STK17A: variants seen among roughly 807,000 people sequenced by gnomAD.
STK17A encodes serine/threonine-protein kinase 17A.
STK17A carries 26 observed loss-of-function variants against 43.7 expected under a neutral mutation model. The ratio of observed to expected loss-of-function variants is 0.60; its 90% confidence interval spans 0.44 to 0.83. STK17A has a LOEUF of 0.83. Among genes scored for constraint, STK17A ranks in the 40% least tolerant of loss-of-function variants. The probability of loss-of-function intolerance (pLI) is 0.00; values close to 1 mark genes in which losing one functional copy is unlikely to be tolerated. For missense variants in STK17A, 476 were observed against 511.6 expected (o/e 0.93, Z 0.67); for synonymous variants, 191 against 182.5 (o/e 1.05, Z -0.38).
At chr7:43,585,342 C>G (rs962199206) in intron 1 of STK17A, among the ~76,000 whole-genome samples, 3 of 142,726 alleles carry the variant, frequency 2.1e-5, no homozygotes, top group African/African-American at 7.4e-5. Context: ...AACTGATTTG[C>G]ACCCCACCAG....
intron 3 of STK17A, chr7:43,609,535 G>C (rs1030761593): frequency 6.6e-6 from 1 of 152,198 alleles, no homozygotes; most frequent in Non-Finnish European, 1.5e-5. Context: ...GACAATAAAG[G>C]TCCACTATGA....
In STK17A at chr7:43,624,698, C is replaced by T. The variant is rs140929501; in HGVS notation, c.1101C>T (p.Thr367=). 5.0e-6 allele frequency: 8 copies of T among 1,613,976 alleles called. No individual in the cohort carries two copies. Among genetic ancestry groups the T allele is most frequent in the Non-Finnish European group, 5.9e-6 (7 of 1,179,966 alleles). The change falls in exon 7 of 7, where the codon ACC becomes ACT. Residue 367 remains threonine, a synonymous_variant. Coordinates refer to ENST00000319357, the MANE Select transcript of STK17A (RefSeq NM_004760.3). ...CAGAAACCAAGGAATCCATTGTAAC[C>T]GAAGAGTTAATTGTAGTTACTTCAT... ...DKSETKESIV[T]EELIVVTSYT...
intron 3 of STK17A, among the ~76,000 whole-genome samples, chr7:43,611,853 C>T (rs1404789716): frequency 1.3e-5 from 2 of 152,152 alleles, no homozygotes; most frequent in Non-Finnish European, 2.9e-5. Context: ...AATAGCATTG[C>T]ACCTATAGGA....
chr7:43,586,955 T>A (rs1372265356), intron 1 of STK17A, among the ~76,000 whole-genome samples: 1 of 151,248 alleles, frequency 6.6e-6, no homozygotes, highest in Non-Finnish European at 1.5e-5. Context: ...CAAGCCTGTT[T>A]GGAAAGCCCC....
intron 1 of STK17A, among the ~76,000 whole-genome samples, chr7:43,585,872 A>G (rs2082435440): frequency 6.6e-6 from 1 of 151,658 alleles, no homozygotes; most frequent in Non-Finnish European, 1.5e-5. Context: ...GAAAACCTGC[A>G]CAATCTCAAA....
At position 43,624,511 on chromosome 7, in the gene STK17A, T is replaced by G; in HGVS notation, c.921-7T>G. On this transcript the variant is annotated splice_region_variant and splice_polypyrimidine_tract_variant and intron_variant, in intron 6 of 6. Coordinates refer to ENST00000319357, the MANE Select transcript of STK17A (RefSeq NM_004760.3). ...ATGTCTTAACTGTAAAACATGTATC[T>G]TTACAGAGATCGAGCCACTGCTGAA... 1 of 1,606,322 alleles carries G rather than the reference T, an allele frequency of 6.2e-7. No homozygotes were observed. The highest frequency in any genetic ancestry group is 1.3e-5 in the African/African-American group (1 of 74,570).
In STK17A at chr7:43,583,135, C is replaced by A; in HGVS notation, c.-109C>A. On this transcript the variant is annotated 5_prime_UTR_variant, in exon 1 of 7. Coordinates refer to ENST00000319357, the MANE Select transcript of STK17A (RefSeq NM_004760.3). Reference sequence around the variant, plus strand: ...AGTCCGAGCGCCGCGCTGGGGAGAGCGGGTGTTTGAAGGCTCCGCGGACCG... The same window carrying A: ...AGTCCGAGCGCCGCGCTGGGGAGAGAGGGTGTTTGAAGGCTCCGCGGACCG... 1 of 1,186,366 alleles carries A rather than the reference C, an allele frequency of 8.4e-7. No individual in the cohort carries two copies. The highest frequency in any genetic ancestry group is 1.2e-6 in the Non-Finnish European group (1 of 850,798). 73.5% of individuals were successfully genotyped at this position (1,186,366 alleles called of 1,614,324 possible). A position where few individuals can be genotyped will look rare whatever the true frequency, so the allele number is the denominator to read the frequency against.
intron 1 of STK17A, among the ~76,000 whole-genome samples, chr7:43,583,652 C>T (rs992875816): frequency 1.3e-5 from 2 of 152,218 alleles, no homozygotes; most frequent in South Asian, 2.1e-4. Context: ...CGCGCCGCGC[C>T]CAGCAAGCGA....
chr7:43,591,737 C>A (rs2082481322), intron 1 of STK17A, among the ~76,000 whole-genome samples: 2 of 151,552 alleles, frequency 1.3e-5, no homozygotes, highest in South Asian at 4.1e-4. Flanking sequence ...AGGGCTCCCA[C>A]AGTTCACAGG....
At chr7:43,598,149 G>A (rs1044351851) in intron 2 of STK17A, among the ~76,000 whole-genome samples, 35 of 151,982 alleles carry the variant, frequency 2.3e-4, no homozygotes, top group African/African-American at 5.8e-4. Context: ...CAAATGTAAC[G>A]GTTATGAGCA....
intron 1 of STK17A, among the ~76,000 whole-genome samples, chr7:43,587,545 G>A (rs552716627): frequency 6.6e-6 from 1 of 151,406 alleles, no homozygotes; most frequent in South Asian, 2.1e-4. Context: ...AGGGGACTCT[G>A]GGTGGGTATT....
At chr7:43,618,882 A>G (rs1045574890) in intron 3 of STK17A, among the ~76,000 whole-genome samples, 3 of 152,272 alleles carry the variant, frequency 2.0e-5, no homozygotes, top group East Asian at 3.9e-4. Flanking sequence ...GAAGCTTTGG[A>G]AGTAGATGAA....
intron 4 of STK17A, among the ~76,000 whole-genome samples, chr7:43,620,558 CAGCT>C (rs1422800004): frequency 6.6e-6 from 1 of 151,908 alleles, no homozygotes; most frequent in Non-Finnish European, 1.5e-5. Flanking sequence ...CTTGTAGTCC[CAGCT>C]ACTCGGGAGG....
In STK17A at chr7:43,583,231, G is replaced by C. The variant is rs1348285654; in HGVS notation, c.-13G>C. Reference sequence around the variant, plus strand: ...GTGAACAGGCGGCCAGGAAAGAAGCGGGCCTGAACACCATGATCCCTTTGG... The same window carrying C: ...GTGAACAGGCGGCCAGGAAAGAAGCCGGCCTGAACACCATGATCCCTTTGG... On this transcript the variant is annotated 5_prime_UTR_variant, in exon 1 of 7. Coordinates refer to ENST00000319357, the MANE Select transcript of STK17A (RefSeq NM_004760.3). The C allele has an allele frequency of 6.4e-7, 1 of 1,554,968 alleles. No individual in the cohort carries two copies. The highest frequency in any genetic ancestry group is 8.7e-7 in the Non-Finnish European group (1 of 1,152,530).
chr7:43,610,214 G>A (rs1419436222), intron 3 of STK17A, among the ~76,000 whole-genome samples: 2 of 152,094 alleles, frequency 1.3e-5, no homozygotes. Context: ...AGGCATGGTG[G>A]TGGGTGCCTG....
chr7:43,616,359 A>C (rs2083342311), intron 3 of STK17A, among the ~76,000 whole-genome samples: 1 of 152,178 alleles, frequency 6.6e-6, no homozygotes, highest in Admixed American at 6.5e-5. Context: ...TAGTCCTAAC[A>C]CAAAATAGAC....
chr7:43,589,503 T>G (rs1382072510), intron 1 of STK17A, among the ~76,000 whole-genome samples: 1 of 150,674 alleles, frequency 6.6e-6, no homozygotes, highest in Non-Finnish European at 1.5e-5. Context: ...ATCCAACACT[T>G]GAATTTGTAT....
At chr7:43,608,435 G>A (rs1235200982) in intron 3 of STK17A, 35 bp downstream of exon 3, 3 of 1,584,462 alleles carry the variant, frequency 1.9e-6, no homozygotes, top group Non-Finnish European at 2.6e-6. Flanking sequence ...GATTGCTAAA[G>A]AATGACATTC....
intron 2 of STK17A, among the ~76,000 whole-genome samples, chr7:43,604,710 T>TGCTAAATAC (rs1464887899): frequency 1.3e-5 from 2 of 152,178 alleles, no homozygotes; most frequent in African/African-American, 4.8e-5. Flanking sequence ...TAAATTTTTT[T>TGCTAAATAC]GTTTATAGTT....
Sources: allele counts gnomAD v4.1 joint callset (sites outside exome capture counted in the v4.1 genomes callset), GRCh38; gene constraint gnomAD v4.1.1; transcripts MANE v1.5; gene names NCBI Gene and HGNC (gene_info 2026-07-23, HGNC 2026-07-21).